DOCK4: variants seen among roughly 807,000 people sequenced by gnomAD.
The protein encoded by DOCK4 is dedicator of cytokinesis 4.
DOCK4 carries 97 observed loss-of-function variants against 268.1 expected under a neutral mutation model. The observed-to-expected ratio is 0.36, with a 90% CI of 0.31 to 0.43. DOCK4 has a LOEUF of 0.43. Ranked by LOEUF, DOCK4 falls within the 20% of genes least tolerant of loss-of-function variation. The pLI, the probability that DOCK4 is intolerant of heterozygous loss-of-function variation, is 1.00. For missense variants in DOCK4, 2,145 were observed against 2,455.7 expected (o/e 0.87, Z 2.67); for synonymous variants, 954 against 887.2 (o/e 1.08, Z -1.34).
At position 111,740,082 on chromosome 7, in the gene DOCK4, A is replaced by G. The variant is rs192834319; in HGVS notation, c.5041-605T>C. The G allele has an allele frequency of 3.2e-5, 14 of 443,578 alleles. 1 individual carries two copies. Among genetic ancestry groups the G allele is most frequent in the Admixed American group, 1.7e-4 (7 of 40,304 alleles). 27.5% of individuals were successfully genotyped at this position (443,578 alleles called of 1,614,324 possible). A position where few individuals can be genotyped will look rare whatever the true frequency, so the allele number is the denominator to read the frequency against. On this transcript the variant is annotated intron_variant, in intron 47 of 52. Coordinates refer to ENST00000428084, the MANE Select transcript of DOCK4 (RefSeq NM_001363540.2). ...ACATAAGTAAAGATAATTTTAAAAC[A>G]GACCCTCAAATCATGTCTTTTTTTC...
Position 112,051,175 on chromosome 7 carries a change from C to T in DOCK4, c.38-47044G>A, listed in dbSNP as rs144593623. Among the ~76,000 whole-genome samples, 276 of 151,800 alleles carry T rather than the reference C, an allele frequency of 1.8e-3. 1 individual carries two copies. Among genetic ancestry groups the T allele is most frequent in the African/African-American group, 6.4e-3 (265 of 41,430 alleles). ...ACTGTGTTACTTTTAAAGTTTACAA[C>T]GTAAAGGGAAATGGAATGGCACAAT... On this transcript the variant is annotated intron_variant, in intron 1 of 52. Transcript: ENST00000428084.
intron 1 of DOCK4, among the ~76,000 whole-genome samples, chr7:112,110,437 G>T (rs978864662): frequency 2.0e-5 from 3 of 152,142 alleles, no homozygotes; most frequent in African/African-American, 7.2e-5. Flanking sequence ...ACATGACTAG[G>T]TATGCCAAAA....
Position 111,844,813 on chromosome 7 carries a change from G to A in DOCK4, c.2686C>T (p.Arg896Ter), listed in dbSNP as rs1230187925. The A allele has an allele frequency of 1.9e-6, 3 of 1,613,666 alleles. No homozygotes were observed. The highest frequency in any genetic ancestry group is 2.5e-6 in the Non-Finnish European group (3 of 1,179,698). ...ATTGCTGAGCTGGATGGCTGAGGTC[G>A]GCTGGTGATCTCCAATATGGTCCTC... Reference protein sequence around the residue: ...LLRTILEITSRPQPSSSAMRF... With the variant: ...LLRTILEITS Residue 896 changes from arginine (R) to a stop codon, truncating the protein, a stop_gained, in exon 25 of 53, where the codon CGA becomes TGA. Coordinates refer to ENST00000428084, the MANE Select transcript of DOCK4 (RefSeq NM_001363540.2). LOFTEE classifies it high-confidence loss of function.
At chr7:111,734,553 T>C (rs921334776) in intron 51 of DOCK4, among the ~76,000 whole-genome samples, 7 of 152,318 alleles carry the variant, frequency 4.6e-5, no homozygotes, top group African/African-American at 7.2e-5. Context: ...TTGCGAAATA[T>C]AGTCCTTGCA....
chr7:111,941,339 TTA>T (rs1427331830), intron 10 of DOCK4, among the ~76,000 whole-genome samples: 1 of 152,166 alleles, frequency 6.6e-6, no homozygotes, highest in Non-Finnish European at 1.5e-5. Flanking sequence ...ACCGAACACT[TTA>T]TGTCATACTT....
intron 1 of DOCK4, among the ~76,000 whole-genome samples, chr7:112,057,497 A>G (rs1488290846): frequency 6.6e-6 from 1 of 151,798 alleles, no homozygotes; most frequent in East Asian, 1.9e-4. Context: ...GCTGTAGTGG[A>G]CCATGATGGC....
At chr7:112,102,896 G>A (rs1810821351) in intron 1 of DOCK4, among the ~76,000 whole-genome samples, 3 of 152,164 alleles carry the variant, frequency 2.0e-5, no homozygotes, top group Admixed American at 1.3e-4. Flanking sequence ...AACACTTTGT[G>A]TCAAAAATTA....
chr7:112,007,078 A>C (rs573298918), intron 1 of DOCK4, among the ~76,000 whole-genome samples: 1 of 152,332 alleles, frequency 6.6e-6, no homozygotes, highest in Non-Finnish European at 1.5e-5. Context: ...TTAGGACATT[A>C]GAAGATTTCC....
intron 12 of DOCK4, among the ~76,000 whole-genome samples, chr7:111,926,112 GAA>G (rs1419649959): frequency 7.5e-6 from 1 of 132,996 alleles, no homozygotes; most frequent in Non-Finnish European, 1.6e-5. Context: ...GAGAGAGAGA[GAA>G]AGAGAAAAAG....
chr7:112,110,384 A>G (rs75012046), intron 1 of DOCK4, among the ~76,000 whole-genome samples: 43 of 152,300 alleles, frequency 2.8e-4, no homozygotes, highest in Non-Finnish European at 4.7e-4. Context: ...ATATTTATAG[A>G]TCTACTACGT....
chr7:111,763,772 A>C lies in DOCK4; in HGVS notation c.4020+1346T>G, dbSNP rs538239168. Among the ~76,000 whole-genome samples, 3 of 152,236 alleles carry C rather than the reference A, an allele frequency of 2.0e-5. No homozygotes were observed. The East Asian group carries it at 5.8e-4, about 29-fold the overall frequency. On this transcript the variant is annotated intron_variant, in intron 39 of 52. Transcript: ENST00000428084. ...CAGAACCTGGATCCAGGCCATCTGC[A>C]GTCCTTAGGGGGTTGCTCATAACAG...
Position 111,900,459 on chromosome 7 carries a change from G to A in DOCK4, c.1395C>T (p.Pro465=), listed in dbSNP as rs779444351. ...HSFVLYHNNS[P]RWSELLKLPI... is the part of the protein sequence containing the mutation. ...GAAGTTTCAGCAGTTCAGACCACCT[G>A]GGACTGTTGTTATGGTAAAGCACAA... Residue 465 remains proline, a synonymous_variant, in exon 15 of 53, where the codon CCC becomes CCT. Transcript: ENST00000428084. 3.7e-6 allele frequency: 6 copies of A among 1,613,362 alleles called. No individual in the cohort carries two copies. In the African/African-American group the frequency reaches 6.7e-5, roughly 18 times the overall value.
intron 1 of DOCK4, among the ~76,000 whole-genome samples, chr7:112,142,436 G>A (rs1303066628): frequency 1.3e-5 from 2 of 152,234 alleles, no homozygotes; most frequent in African/African-American, 4.8e-5. Flanking sequence ...GAAGAGCCAA[G>A]AATTCAACTG....
chr7:112,157,355 A>G (rs2189285), intron 1 of DOCK4, among the ~76,000 whole-genome samples: 104,856 of 151,904 alleles, frequency 0.69, 36,480 homozygotes, highest in East Asian at 0.85. Context: ...TGCCCTGGAC[A>G]TGGTACACTG....
At chr7:111,790,407 T>G (rs756436197) in intron 31 of DOCK4, 50 bp downstream of exon 31, 4 of 1,596,354 alleles carry the variant, frequency 2.5e-6, no homozygotes, top group Non-Finnish European at 3.4e-6. Context: ...CACAGATGCT[T>G]CAGGAGAGCT....
At chr7:111,741,452 A>T in intron 46 of DOCK4, 88 bp downstream of exon 46, 1 of 1,539,162 alleles carries the variant, frequency 6.5e-7, no homozygotes, top group Non-Finnish European at 8.8e-7. Flanking sequence ...AGCGTATTTG[A>T]CAAATTGTGC....
chr7:111,980,828 A>T (rs1798553763), intron 7 of DOCK4, among the ~76,000 whole-genome samples: 1 of 152,228 alleles, frequency 6.6e-6, no homozygotes, highest in African/African-American at 2.4e-5. Context: ...TTGCAGAGTA[A>T]GCAGATGCAT....
chr7:112,122,341 A>G (rs1201788564), intron 1 of DOCK4, among the ~76,000 whole-genome samples: 2 of 151,840 alleles, frequency 1.3e-5, no homozygotes, highest in Non-Finnish European at 2.9e-5. Flanking sequence ...TGTCCCCCCA[A>G]CCTCTAGGAA....
chr7:111,985,621 T>G (rs1562962832), intron 6 of DOCK4, among the ~76,000 whole-genome samples: 1 of 152,236 alleles, frequency 6.6e-6, no homozygotes, highest in Non-Finnish European at 1.5e-5. Context: ...ATTAGAAAGC[T>G]GTCACCTCCT....
Sources: gnomAD v4.1 joint callset for allele counts (sites outside exome capture counted in the v4.1 genomes callset) on GRCh38, gnomAD v4.1.1 for gene constraint, MANE v1.5 for transcripts, NCBI Gene and HGNC (gene_info 2026-07-23, HGNC 2026-07-21) for gene names.